XXYLT1: variants seen among roughly 807,000 people sequenced by gnomAD.
XXYLT1 encodes xyloside xylosyltransferase 1.
In XXYLT1, 20 loss-of-function variants were observed where a neutral mutation model predicts 28.9. The ratio of observed to expected loss-of-function variants is 0.69; its 90% CI spans 0.49 to 1.00. XXYLT1 has a LOEUF of 1.00. XXYLT1 is among the 50% of genes least tolerant of loss of function. The pLI is 0.00. For missense variants in XXYLT1, 542 were observed against 560.1 expected (o/e 0.97, Z 0.33); for synonymous variants, 257 against 253.8 (o/e 1.01, Z -0.12).
chr3:195,163,128 G>A (rs575499336), intron 2 of XXYLT1, among the ~76,000 whole-genome samples: 2 of 152,230 alleles, frequency 1.3e-5, no homozygotes, highest in African/African-American at 4.8e-5. Flanking sequence ...AGAGACCCCT[G>A]GGGGAGAAGC....
At chr3:195,105,910 T>C (rs1468403987) in intron 3 of XXYLT1, among the ~76,000 whole-genome samples, 1 of 152,230 alleles carries the variant, frequency 6.6e-6, no homozygotes, top group African/African-American at 2.4e-5. Context: ...CCACCTTCCC[T>C]TACTCTCATA....
At chr3:195,220,309 T>C (rs1723767176) in intron 2 of XXYLT1, among the ~76,000 whole-genome samples, 1 of 152,016 alleles carries the variant, frequency 6.6e-6, no homozygotes, top group Admixed American at 6.6e-5. Flanking sequence ...ACCTGGCTAA[T>C]TTTTTTGTAT....
In XXYLT1 at chr3:195,150,688, C is replaced by T. The variant is rs1270357362; in HGVS notation, c.785+5761G>A. On this transcript the variant is annotated intron_variant, in intron 3 of 3. Coordinates refer to ENST00000310380, the MANE Select transcript of XXYLT1 (RefSeq NM_152531.5). This position sits in a 1 kb window ranked among gnomAD's most constrained non-coding sequence, Gnocchi z 4.7. ...GGAGAATGAAACCGGAAGCCTATGC[C>T]GCCACCAACAAGCTCCCATTCAGAG... 1.3e-5 allele frequency among the ~76,000 whole-genome samples: 2 copies of T among 152,134 alleles called. No homozygotes were observed. The highest frequency in any genetic ancestry group is 6.6e-5 in the Admixed American group (1 of 15,266).
At chr3:195,084,758 GATTC>G (rs1386632391) in intron 3 of XXYLT1, among the ~76,000 whole-genome samples, 1 of 152,134 alleles carries the variant, frequency 6.6e-6, no homozygotes, top group Admixed American at 6.5e-5. Context: ...CAACCCCAGG[GATTC>G]ATTCATTCAA....
Position 195,150,771 on chromosome 3 carries a change from C to T in XXYLT1, c.785+5678G>A, listed in dbSNP as rs1470237810. Among the ~76,000 whole-genome samples, 1 of 151,912 alleles carries T rather than the reference C, an allele frequency of 6.6e-6. No homozygotes were observed. The highest frequency in any genetic ancestry group is 1.5e-5 in the Non-Finnish European group (1 of 67,986). ...ATAACAAAGGGCCACAGCCCACATA[C>T]GCACACACTCACACACATATGCACA... is the stretch of plus-strand genomic sequence containing the variant. On this transcript the variant is annotated intron_variant, in intron 3 of 3. Coordinates refer to ENST00000310380, the MANE Select transcript of XXYLT1 (RefSeq NM_152531.5). The surrounding 1 kb of genome is among the most constrained non-coding windows in gnomAD (Gnocchi z 4.7).
chr3:195,178,630 C>A (rs1721790681), intron 2 of XXYLT1, among the ~76,000 whole-genome samples: 1 of 152,208 alleles, frequency 6.6e-6, no homozygotes, highest in African/African-American at 2.4e-5. Context: ...GTACTCTGCA[C>A]TCCGGTTTGT....
chr3:195,130,244 G>A (rs1361491733), intron 3 of XXYLT1, among the ~76,000 whole-genome samples: 3 of 152,216 alleles, frequency 2.0e-5, no homozygotes, highest in African/African-American at 4.8e-5. Flanking sequence ...CAACAGGTAG[G>A]AGCTGCCCAT....
At chr3:195,134,887 G>GTGCT (rs1560112641) in intron 3 of XXYLT1, among the ~76,000 whole-genome samples, 45 of 148,618 alleles carry the variant, frequency 3.0e-4, no homozygotes, top group African/African-American at 1.1e-3. Context: ...GCGCGTGCGC[G>GTGCT]CACGTGCAAA....
chr3:195,164,662 C>T (rs1381320712), intron 2 of XXYLT1, among the ~76,000 whole-genome samples: 1 of 152,230 alleles, frequency 6.6e-6, no homozygotes, highest in Non-Finnish European at 1.5e-5. Flanking sequence ...GTTCTGTGAG[C>T]AGGATGCCTC....
chr3:195,168,720 AGTACCTACTGT>A lies in XXYLT1; in HGVS notation c.653-12150_653-12140del, dbSNP rs2108709205. ...ACCATATGGAAACTAACATTTCCTT[AGTACCTACTGT>A]GTGCCAGCCCCTGGAATATTTGAAA... On this transcript the variant is annotated intron_variant, in intron 2 of 3. Coordinates refer to ENST00000310380, the MANE Select transcript of XXYLT1 (RefSeq NM_152531.5). This position sits in a 1 kb window ranked among gnomAD's most constrained non-coding sequence, Gnocchi z 4.3. Among the ~76,000 whole-genome samples, 1 of 152,358 alleles carries A rather than the reference AGTACCTACTGT, an allele frequency of 6.6e-6. No individual in the cohort carries two copies. The highest frequency in any genetic ancestry group is 1.9e-4 in the East Asian group (1 of 5,188).
intron 2 of XXYLT1, chr3:195,207,513 T>C (rs892054254): frequency 4.4e-6 from 2 of 455,846 alleles, no homozygotes; most frequent in African/African-American, 2.0e-5. Context: ...GGAAAAAAGA[T>C]AGCCTTGCTC....
intron 2 of XXYLT1, among the ~76,000 whole-genome samples, chr3:195,161,414 C>T (rs1560128007): frequency 6.6e-6 from 1 of 152,114 alleles, no homozygotes; most frequent in East Asian, 1.9e-4. Flanking sequence ...GTGAAGATAG[C>T]AGACGACCCC....
intron 1 of XXYLT1, among the ~76,000 whole-genome samples, chr3:195,249,087 G>A (rs745688187): frequency 2.0e-5 from 3 of 152,258 alleles, no homozygotes; most frequent in East Asian, 1.9e-4. Flanking sequence ...ACATGCAGAC[G>A]GAATTGTAGA....
At chr3:195,196,807 C>T (rs1722643834) in intron 2 of XXYLT1, among the ~76,000 whole-genome samples, 2 of 151,680 alleles carry the variant, frequency 1.3e-5, no homozygotes, top group East Asian at 1.9e-4. Context: ...TTGGATGAGA[C>T]AAGACTAAAC....
intron 2 of XXYLT1, among the ~76,000 whole-genome samples, chr3:195,219,941 T>C (rs1723747784): frequency 6.6e-6 from 1 of 152,188 alleles, no homozygotes; most frequent in Non-Finnish European, 1.5e-5. Context: ...TCCTACCTTT[T>C]GAGGGATTTT....
chr3:195,270,899 T>C lies in XXYLT1; in HGVS notation c.160A>G (p.Arg54Gly). ...GCCCCGGCGCGGGCCTCCTTCAGCC[T>C]CTTGGTGGCGCTGGAGAAGGTCTCC... ...GRETFSSATK[R>G]LKEARAGAPA... The change falls in exon 1 of 4, where the codon AGG becomes GGG. Residue 54 changes from arginine (R) to glycine (G), a missense_variant. Transcript: ENST00000310380. 1 of 1,472,928 alleles carries C rather than the reference T, an allele frequency of 6.8e-7. No individual in the cohort carries two copies. Among genetic ancestry groups the C allele is most frequent in the Non-Finnish European group, 9.0e-7 (1 of 1,113,732 alleles). The allele number at this position is 1,472,928 out of a possible 1,614,324, so 91.2% of individuals were successfully genotyped here.
intron 1 of XXYLT1, among the ~76,000 whole-genome samples, chr3:195,228,836 G>C (rs903693059): frequency 6.7e-6 from 1 of 148,732 alleles, no homozygotes; most frequent in African/African-American, 2.5e-5. Flanking sequence ...TTTCGAGACA[G>C]AGTTTCACTC....
intron 3 of XXYLT1, among the ~76,000 whole-genome samples, chr3:195,145,431 C>A (rs931613333): frequency 6.8e-6 from 1 of 147,306 alleles, no homozygotes. Context: ...CCTCACTCCA[C>A]GGTGACTGGC....
chr3:195,182,320 ACTGCTGCTG>A (rs758971974), intron 2 of XXYLT1, among the ~76,000 whole-genome samples: 2 of 152,192 alleles, frequency 1.3e-5, no homozygotes, highest in South Asian at 2.1e-4. Context: ...GTCAACTGTC[ACTGCTGCTG>A]CTGCTGCTAT....
Sources: gnomAD v4.1 joint callset for allele counts (sites outside exome capture counted in the v4.1 genomes callset) on GRCh38, gnomAD v4.1.1 for gene constraint, Gnocchi (gnomAD v3.1) non-coding constraint, MANE v1.5 for transcripts, NCBI Gene and HGNC (gene_info 2026-07-23, HGNC 2026-07-21) for gene names.